The following SNX6 variants were observed in gnomAD, a reference collection of about 807,000 sequenced individuals.
SNX6 encodes the protein sorting nexin-6.
In SNX6, 34 loss-of-function variants were observed where a neutral mutation model predicts 63.0. The ratio of observed to expected loss-of-function variants is 0.54; its 90% CI spans 0.41 to 0.72. The LOEUF (loss-of-function observed/expected upper bound fraction) is 0.72. Ranked by LOEUF, SNX6 falls within the 30% of genes least tolerant of loss-of-function variation. The pLI is 0.00. For synonymous variants in SNX6, 170 were observed against 164.2 expected, an observed-to-expected ratio of 1.04 and a Z score of -0.27; for missense variants, 398 against 471.4, an observed-to-expected ratio of 0.84 and a Z score of 1.44.
intron 2 of SNX6, among the ~76,000 whole-genome samples, chr14:34,610,270 C>T (rs902777606): frequency 7.1e-6 from 1 of 140,534 alleles, no homozygotes; most frequent in Non-Finnish European, 1.5e-5. Context: ...AGGCAGAAGG[C>T]TTGCTTGAGC....
intron 2 of SNX6, among the ~76,000 whole-genome samples, chr14:34,628,146 A>C (rs900709851): frequency 6.6e-6 from 1 of 151,796 alleles, no homozygotes; most frequent in African/African-American, 2.4e-5. Flanking sequence ...CCTGGGCAAC[A>C]TGGTGAGACC....
At chr14:34,624,123 A>ATG in intron 2 of SNX6, among the ~76,000 whole-genome samples, 1 of 150,990 alleles carries the variant, frequency 6.6e-6, no homozygotes, top group Non-Finnish European at 1.5e-5. Flanking sequence ...TTTTTTTGAG[A>ATG]CAGTTTCGCT....
In SNX6 at chr14:34,629,974, G is replaced by T. The variant is rs1231905278; in HGVS notation, c.7-20C>A. ...GCCTTCCTGTGGGGTCGGCGGGCAC[G>T]GCGCGCCGGGGAAAAGGATGAGATG... On this transcript the variant is annotated intron_variant, in intron 1 of 13. Transcript: ENST00000362031. 6.5e-7 allele frequency: 1 copy of T among 1,531,204 alleles called. No individual in the cohort carries two copies. The allele number at this position is 1,531,204 out of a possible 1,614,324, so 94.9% of individuals were successfully genotyped here.
chr14:34,593,172 T>C (rs760488754), intron 7 of SNX6, 22 bp from the exon 8 acceptor site: 2 of 1,471,722 alleles, frequency 1.4e-6, no homozygotes, highest in African/African-American at 1.4e-5. Flanking sequence ...AAAGAAAATA[T>C]AAACTTTTTT....
intron 6 of SNX6, among the ~76,000 whole-genome samples, chr14:34,601,196 T>C (rs1882797781): frequency 6.6e-6 from 1 of 151,996 alleles, no homozygotes; most frequent in African/African-American, 2.4e-5. Flanking sequence ...TAAGAAACAT[T>C]AGTCAATGTG....
chr14:34,606,005 C>T (rs1251465172), intron 4 of SNX6, among the ~76,000 whole-genome samples: 2 of 151,898 alleles, frequency 1.3e-5, no homozygotes, highest in East Asian at 3.9e-4. Flanking sequence ...AAAATCCCGT[C>T]TCTACCAAAA....
intron 2 of SNX6, among the ~76,000 whole-genome samples, chr14:34,614,325 G>T (rs559545596): frequency 6.6e-6 from 1 of 151,738 alleles, no homozygotes; most frequent in African/African-American, 2.4e-5. Context: ...CACACCTGTA[G>T]TCCCAGCTAG....
chr14:34,605,432 G>T, intron 5 of SNX6, 164 bp downstream of exon 5: 1 of 501,706 alleles, frequency 2.0e-6, no homozygotes, highest in East Asian at 3.5e-5. Flanking sequence ...TGTAGGCTCT[G>T]ATCATGATCA....
chr14:34,576,608 C>G (rs1881718394), intron 10 of SNX6, among the ~76,000 whole-genome samples: 1 of 151,656 alleles, frequency 6.6e-6, no homozygotes, highest in South Asian at 2.1e-4. Flanking sequence ...ACTGCCACGC[C>G]TGGCTAACTT....
At chr14:34,571,550 C>G (rs1881454362) in intron 11 of SNX6, among the ~76,000 whole-genome samples, 1 of 152,104 alleles carries the variant, frequency 6.6e-6, no homozygotes, top group Admixed American at 6.6e-5. Context: ...ATATAACATT[C>G]TAGAAAAAGT....
intron 13 of SNX6, among the ~76,000 whole-genome samples, chr14:34,567,201 G>C (rs1012132434): frequency 2.6e-5 from 4 of 151,386 alleles, no homozygotes; most frequent in Non-Finnish European, 5.9e-5. Flanking sequence ...AAAAGCCCCA[G>C]ACTAGCCGGG....
chr14:34,588,907 G>A (rs1255570620), intron 8 of SNX6, among the ~76,000 whole-genome samples: 1 of 152,128 alleles, frequency 6.6e-6, no homozygotes, highest in African/African-American at 2.4e-5. Flanking sequence ...GCTGAGGCAG[G>A]TCGATCACAT....
chr14:34,591,845 AAC>A (rs1190700754), intron 8 of SNX6, among the ~76,000 whole-genome samples: 1 of 38,150 alleles, frequency 2.6e-5, no homozygotes, highest in Non-Finnish European at 6.8e-5. Context: ...AATATTCATA[AAC>A]AGTTTATCAG....
At chr14:34,567,661 T>C in intron 13 of SNX6, 25 bp downstream of exon 13, 1 of 1,558,330 alleles carries the variant, frequency 6.4e-7, no homozygotes, top group Non-Finnish European at 8.8e-7. Flanking sequence ...TAACTTAAAT[T>C]ATTAAATCTT....
intron 2 of SNX6, among the ~76,000 whole-genome samples, chr14:34,615,213 G>A (rs183171683): frequency 1.7e-4 from 26 of 151,584 alleles, no homozygotes; most frequent in Middle Eastern, 3.4e-3. Flanking sequence ...TAACGGTTTT[G>A]GTCTTGAATT....
At chr14:34,615,864 G>T (rs1179871677) in intron 2 of SNX6, among the ~76,000 whole-genome samples, 1 of 152,124 alleles carries the variant, frequency 6.6e-6, no homozygotes, top group African/African-American at 2.4e-5. Context: ...CCCACCATCA[G>T]TATAAAATAT....
intron 7 of SNX6, 26 bp downstream of exon 7, chr14:34,597,524 C>T (rs182906660): frequency 7.6e-7 from 1 of 1,313,416 alleles, no homozygotes; most frequent in Non-Finnish European, 1.1e-6. Context: ...TCAACTAATA[C>T]CACAGTTAAT....
At chr14:34,587,960 G>A (rs915053900) in intron 8 of SNX6, among the ~76,000 whole-genome samples, 1 of 151,472 alleles carries the variant, frequency 6.6e-6, no homozygotes, top group East Asian at 1.9e-4. Context: ...ACAGGGGCAT[G>A]CCACCATGCC....
intron 2 of SNX6, among the ~76,000 whole-genome samples, chr14:34,611,170 T>C (rs1165498506): frequency 6.6e-6 from 1 of 152,124 alleles, no homozygotes; most frequent in African/African-American, 2.4e-5. Context: ...TTTTGTAGTT[T>C]TTGGTAGAGA....
Sources: allele counts gnomAD v4.1 joint callset (sites outside exome capture counted in the v4.1 genomes callset), GRCh38; gene constraint gnomAD v4.1.1; transcripts MANE v1.5; gene names NCBI Gene and HGNC (gene_info 2026-07-23, HGNC 2026-07-21).